Variants in CEP290 observed in about 807,000 individuals in gnomAD.
CEP290 encodes the protein centrosomal protein 290, also known as centrosomal protein of 290 kDa.
Under a neutral mutation model 344.9 loss-of-function variants are expected in CEP290, and 317 were observed. The ratio of observed to expected loss-of-function variants is 0.92; its 90% CI spans 0.84 to 1.01. The LOEUF (loss-of-function observed/expected upper bound fraction) is 1.01. CEP290 is among the 50% of genes least tolerant of loss of function. CEP290 has a pLI of 0.00. For synonymous variants in CEP290, 932 were observed against 895.8 expected (o/e 1.04, Z -0.72); for missense variants, 2,754 against 2,761.4 (o/e 1.00, Z 0.06).
chr12:88,057,187 C>T (rs2034077498), intron 49 of CEP290, among the ~76,000 whole-genome samples: 1 of 152,150 alleles, frequency 6.6e-6, no homozygotes, highest in Non-Finnish European at 1.5e-5. Flanking sequence ...CCAAAGAGCC[C>T]TCTTAGAAAG....
chr12:88,084,029 TTTCTC>T, intron 35 of CEP290, 75 bp from the exon 36 acceptor site: 3 of 911,700 alleles, frequency 3.3e-6, no homozygotes, highest in Non-Finnish European at 5.1e-6. Context: ...CCTTATATAT[TTTCTC>T]TTCAATCTTC....
At chr12:88,114,807 C>G (rs1263574901) in intron 19 of CEP290, among the ~76,000 whole-genome samples, 1 of 152,020 alleles carries the variant, frequency 6.6e-6, no homozygotes, top group East Asian at 1.9e-4. Context: ...TTAAACTATG[C>G]TTTATATTAA....
At chr12:88,058,732 CCAAA>C (rs1311863091) in intron 49 of CEP290, 112 bp downstream of exon 49, 4 of 993,908 alleles carry the variant, frequency 4.0e-6, no homozygotes, top group African/African-American at 1.6e-5. Context: ...AAAACAACAA[CCAAA>C]CAAACTGTTC....
At chr12:88,076,668 A>G (rs1324519941) in intron 41 of CEP290, among the ~76,000 whole-genome samples, 1 of 152,124 alleles carries the variant, frequency 6.6e-6, no homozygotes, top group East Asian at 1.9e-4. Flanking sequence ...ACTATGAACT[A>G]TAAAATTTTA....
At chr12:88,120,082 G>A (rs532330697) in intron 15 of CEP290, 32 bp downstream of exon 15, 4 of 1,371,702 alleles carry the variant, frequency 2.9e-6, no homozygotes, top group Non-Finnish European at 3.8e-6. Context: ...AAATCAGGTT[G>A]CGCAAACTAT....
At chr12:88,109,720 C>T (rs1007954157) in intron 22 of CEP290, among the ~76,000 whole-genome samples, 1 of 152,112 alleles carries the variant, frequency 6.6e-6, no homozygotes, top group Non-Finnish European at 1.5e-5. Flanking sequence ...TAGCTCTATA[C>T]AGCCTTAGGA....
intron 49 of CEP290, among the ~76,000 whole-genome samples, chr12:88,056,255 T>C (rs934183060): frequency 1.3e-5 from 2 of 151,806 alleles, no homozygotes; most frequent in African/African-American, 4.8e-5. Context: ...AAATGATTAA[T>C]AGTTCAAAAA....
chr12:88,140,857 T>C (rs2040609696), intron 3 of CEP290, 99 bp downstream of exon 3: 1 of 699,488 alleles, frequency 1.4e-6, no homozygotes, highest in African/African-American at 1.9e-5. Context: ...GTGATGTAGA[T>C]ATTACCAGGT....
chr12:88,115,494 C>T, intron 18 of CEP290: 1 of 1,300,618 alleles, frequency 7.7e-7, no homozygotes, highest in Non-Finnish European at 1.0e-6. Context: ...TGCCTGGCTT[C>T]TGTGATGTTC....
intron 39 of CEP290, 64 bp downstream of exon 39, chr12:88,079,028 A>G: frequency 7.2e-7 from 1 of 1,386,016 alleles, no homozygotes; most frequent in Non-Finnish European, 9.6e-7. Context: ...TATATATCAT[A>G]GTGAATTCTC....
chr12:88,093,650 A>G, intron 28 of CEP290, 120 bp downstream of exon 28: 3 of 672,894 alleles, frequency 4.5e-6, no homozygotes, highest in South Asian at 2.0e-5. Context: ...TACACAAAAC[A>G]TAGGCACTAT....
chr12:88,126,272 T>C (rs1390818865), intron 12 of CEP290, 44 bp downstream of exon 12: 151 of 1,397,890 alleles, frequency 1.1e-4, no homozygotes, highest in Non-Finnish European at 1.4e-4. Flanking sequence ...GAGTTCCAAC[T>C]GTAATAAAAC....
chr12:88,081,842 T>C (rs941618544), intron 37 of CEP290, among the ~76,000 whole-genome samples: 8 of 152,222 alleles, frequency 5.3e-5, no homozygotes, highest in African/African-American at 1.7e-4. Flanking sequence ...AGTAATTTTA[T>C]ACTCCAAAAC....
intron 37 of CEP290, among the ~76,000 whole-genome samples, chr12:88,082,252 T>C (rs538839778): frequency 1.3e-5 from 2 of 152,360 alleles, no homozygotes; most frequent in South Asian, 4.1e-4. Flanking sequence ...ATCTCTATTA[T>C]ATGACAGACA....
intron 9 of CEP290, 117 bp downstream of exon 9, chr12:88,130,151 C>T (rs1017156928): frequency 1.1e-5 from 12 of 1,080,140 alleles, no homozygotes; most frequent in Non-Finnish European, 1.6e-5. Flanking sequence ...TTTACAAGTA[C>T]ATAGTGACAG....
At chr12:88,069,383 T>C (rs2035190971) in intron 43 of CEP290, among the ~76,000 whole-genome samples, 1 of 151,876 alleles carries the variant, frequency 6.6e-6, no homozygotes, top group African/African-American at 2.4e-5. Context: ...ACTCACATTA[T>C]TAGAGAAAAA....
At position 88,090,852 on chromosome 12, in the gene CEP290, A is replaced by G; in HGVS notation, c.3462-13T>C. On this transcript the variant is annotated splice_polypyrimidine_tract_variant and intron_variant, in intron 29 of 53. Coordinates refer to ENST00000552810, the MANE Select transcript of CEP290 (RefSeq NM_025114.4). ...AATCTCTCTCAGTCTAGGAAATGAT[A>G]AGGTATTTCAGGAACAATTAAGTAC... 2 of 1,483,902 alleles carry G rather than the reference A, an allele frequency of 1.3e-6. No individual in the cohort carries two copies. Among genetic ancestry groups the G allele is most frequent in the South Asian group, 1.2e-5 (1 of 81,140 alleles). 91.9% of individuals were successfully genotyped at this position (1,483,902 alleles called of 1,614,324 possible).
In CEP290 at chr12:88,120,997, C is replaced by T. The variant is rs779195306; in HGVS notation, c.1359G>A (p.Ser453=). 1.1e-5 allele frequency: 17 copies of T among 1,606,970 alleles called. No homozygotes were observed. Among genetic ancestry groups the T allele is most frequent in the Middle Eastern group, 1.6e-4 (1 of 6,064 alleles). Residue 453 remains serine (S), a splice_region_variant and synonymous_variant, in exon 14 of 54, where the codon TCG becomes TCA. Transcript: ENST00000552810. ...EALKRLKDYE[S]GVYGLEDAVV... ...TGAATGACAAGATAAAAATACATAC[C>T]GATTCATAATCTTTTAACCTCTTCA...
chr12:88,136,929 C>CTT, intron 5 of CEP290, 143 bp from the exon 6 acceptor site: 23 of 634,832 alleles, frequency 3.6e-5, no homozygotes, highest in Non-Finnish European at 4.0e-5. Context: ...AGCTTAAGAA[C>CTT]TTTTTTTTTT....
Sources: gnomAD v4.1 joint callset for allele counts (sites outside exome capture counted in the v4.1 genomes callset) on GRCh38, gnomAD v4.1.1 for gene constraint, MANE v1.5 for transcripts, NCBI Gene and HGNC (gene_info 2026-07-23, HGNC 2026-07-21) for gene names.